The following SEMA3C variants were observed in gnomAD, a reference collection of about 807,000 sequenced individuals.
SEMA3C encodes semaphorin-3C.
A neutral mutation model predicts 89.4 loss-of-function variants in SEMA3C; 47 were observed. The observed-to-expected ratio is 0.53, with a 90% CI of 0.42 to 0.67. The LOEUF (loss-of-function observed/expected upper bound fraction) is 0.67. Among genes scored for constraint, SEMA3C ranks in the 30% least tolerant of loss-of-function variants. The pLI is 0.00. For synonymous variants in SEMA3C, 310 were observed against 320.2 expected (o/e 0.97, Z 0.34); for missense variants, 839 against 929.1 (o/e 0.90, Z 1.26).
intron 2 of SEMA3C, among the ~76,000 whole-genome samples, chr7:80,830,789 C>T (rs1789991642): frequency 6.6e-6 from 1 of 152,090 alleles, no homozygotes. Flanking sequence ...ACACAGCTGG[C>T]AGGTGGTGCC....
chr7:80,831,242 T>C (rs58181054), intron 2 of SEMA3C, among the ~76,000 whole-genome samples: 4,069 of 152,292 alleles, frequency 0.027, 173 homozygotes, highest in African/African-American at 0.09. Context: ...GCTCTACCAT[T>C]TCACTTCTAG....
chr7:80,798,708 C>A (rs1789125666), intron 10 of SEMA3C, among the ~76,000 whole-genome samples: 1 of 152,096 alleles, frequency 6.6e-6, no homozygotes, highest in African/African-American at 2.4e-5. Flanking sequence ...ATCCTGAATA[C>A]TAGTTGGAGA....
chr7:80,908,315 A>T (rs991093327), intron 2 of SEMA3C, among the ~76,000 whole-genome samples: 14 of 152,172 alleles, frequency 9.2e-5, no homozygotes, highest in African/African-American at 3.4e-4. Context: ...AATTTCAGCG[A>T]TGAATGAAGT....
intron 2 of SEMA3C, among the ~76,000 whole-genome samples, chr7:80,887,165 A>C (rs1210662840): frequency 1.3e-5 from 2 of 152,198 alleles, no homozygotes; most frequent in Non-Finnish European, 2.9e-5. Context: ...GGCATAATAC[A>C]TTAAGCACAT....
chr7:80,839,492 T>C (rs1285756733), intron 2 of SEMA3C, among the ~76,000 whole-genome samples: 2 of 152,162 alleles, frequency 1.3e-5, no homozygotes, highest in Non-Finnish European at 2.9e-5. Context: ...TAAATAAGTG[T>C]ACCTCTGCTA....
chr7:80,875,598 C>G (rs1362713556), intron 2 of SEMA3C, among the ~76,000 whole-genome samples: 1 of 152,024 alleles, frequency 6.6e-6, no homozygotes, highest in Non-Finnish European at 1.5e-5. Context: ...TGAGTAAGGT[C>G]ATAAAATCCC....
chr7:80,767,035 T>C (rs1788320738), intron 12 of SEMA3C, among the ~76,000 whole-genome samples: 2 of 152,094 alleles, frequency 1.3e-5, no homozygotes, highest in South Asian at 4.2e-4. Flanking sequence ...ACACCCTAAG[T>C]CAAAGGTCAA....
At chr7:80,822,745 T>C (rs764319190) in intron 4 of SEMA3C, among the ~76,000 whole-genome samples, 3 of 152,198 alleles carry the variant, frequency 2.0e-5, no homozygotes, top group Non-Finnish European at 2.9e-5. Flanking sequence ...ATACTTGTCA[T>C]GGACAATATA....
At chr7:80,849,892 A>G (rs1003894632) in intron 2 of SEMA3C, among the ~76,000 whole-genome samples, 5 of 152,264 alleles carry the variant, frequency 3.3e-5, no homozygotes, top group Non-Finnish European at 7.4e-5. Flanking sequence ...ATTTCTAAGC[A>G]CATATAATCT....
chr7:80,744,138 A>ATTAAG lies in SEMA3C; in HGVS notation c.*755_*756insCTTAA, dbSNP rs1237550148. ...ATTATATTCTTTGAGTCTAAAATAA[A>ATTAAG]TAACTTCCAAAAAAAGTAAGTGCTT... On this transcript the variant is annotated 3_prime_UTR_variant, in exon 18 of 18. Transcript: ENST00000265361. The ATTAAG allele has an allele frequency of 6.6e-6, 1 of 151,794 alleles. No homozygotes were observed. The highest frequency in any genetic ancestry group is 2.4e-5 in the African/African-American group (1 of 41,330). The allele number at this position is 151,794 out of a possible 1,614,324, so 9.4% of individuals were successfully genotyped here.
In SEMA3C at chr7:80,802,723, C is replaced by T. The variant is rs1421118740; in HGVS notation, c.858G>A (p.Ala286=). ...CATCTGTTACCGAGCACACCAGCCT[C>T]GCCTTTAAGAAAGTGGTCCACTTGT... ...LVNKWTTFLK[A]RLVCSVTDED... Residue 286 remains alanine (A), a synonymous_variant, in exon 9 of 18, where the codon GCG becomes GCA. Transcript: ENST00000265361. 4.3e-6 allele frequency: 7 copies of T among 1,613,544 alleles called. No homozygotes were observed. Among genetic ancestry groups the T allele is most frequent in the Non-Finnish European group, 5.9e-6 (7 of 1,179,578 alleles).
Position 80,818,772 on chromosome 7 carries a change from A to T in SEMA3C, c.328-354T>A, listed in dbSNP as rs1211471098. Among the ~76,000 whole-genome samples the T allele has an allele frequency of 3.9e-5, 6 of 152,244 alleles. No homozygotes were observed. The East Asian group carries it at 1.2e-3, about 29-fold the overall frequency. On this transcript the variant is annotated intron_variant, in intron 4 of 17. Transcript: ENST00000265361. ...ATGAGGCCCTTGGGCCACAGGTTGG[A>T]CAAGTTTGTATTAGGCCATATCTTT...
chr7:80,818,752 G>A lies in SEMA3C; in HGVS notation c.328-334C>T, dbSNP rs202117144. On this transcript the variant is annotated intron_variant, in intron 4 of 17. Coordinates refer to ENST00000265361, the MANE Select transcript of SEMA3C (RefSeq NM_006379.5). ...TCAAAGCTGTCCTGGGTTGCATGAG[G>A]CCCTTGGGCCACAGGTTGGACAAGT... 5.9e-5 allele frequency among the ~76,000 whole-genome samples: 9 copies of A among 152,336 alleles called. No homozygotes were observed. The East Asian group carries it at 1.7e-3, about 29-fold the overall frequency.
chr7:80,779,357 C>A (rs1219013045), intron 12 of SEMA3C, among the ~76,000 whole-genome samples: 2 of 152,070 alleles, frequency 1.3e-5, no homozygotes, highest in Admixed American at 6.6e-5. Context: ...AAAAGGAATT[C>A]ATTACTCTCC....
chr7:80,905,957 T>G (rs1792005258), intron 2 of SEMA3C: 1 of 1,198,258 alleles, frequency 8.3e-7, no homozygotes, highest in Non-Finnish European at 1.1e-6. Flanking sequence ...TTTGTTTTGT[T>G]TTTTTTTTAA....
intron 2 of SEMA3C, among the ~76,000 whole-genome samples, chr7:80,871,909 C>A (rs1484924241): frequency 6.6e-6 from 1 of 151,754 alleles, no homozygotes; most frequent in Non-Finnish European, 1.5e-5. Context: ...TAAAAATAAC[C>A]ATAAAATGCA....
chr7:80,835,452 C>T (rs1271407090), intron 2 of SEMA3C, among the ~76,000 whole-genome samples: 3 of 152,092 alleles, frequency 2.0e-5, no homozygotes, highest in Non-Finnish European at 4.4e-5. Context: ...AGAGATATTG[C>T]TACTGACAGG....
At chr7:80,855,001 G>T (rs982954794) in intron 2 of SEMA3C, among the ~76,000 whole-genome samples, 20 of 152,142 alleles carry the variant, frequency 1.3e-4, no homozygotes, top group African/African-American at 4.8e-4. Flanking sequence ...ATGCTCTTTG[G>T]ATTTCCCTTG....
intron 4 of SEMA3C, among the ~76,000 whole-genome samples, chr7:80,821,428 G>T (rs1041090559): frequency 4.0e-5 from 6 of 148,700 alleles, no homozygotes; most frequent in African/African-American, 1.2e-4. Context: ...GTTTTTTTTT[G>T]GGGGGGTGGG....
Sources: allele counts gnomAD v4.1 joint callset (sites outside exome capture counted in the v4.1 genomes callset), GRCh38; gene constraint gnomAD v4.1.1; transcripts MANE v1.5; gene names NCBI Gene and HGNC (gene_info 2026-07-23, HGNC 2026-07-21).